Variants in RIN2 observed in about 807,000 individuals in gnomAD.
RIN2 encodes Ras and Rab interactor 2, also known as RAB5 interacting protein 2.
Under a neutral mutation model 78.0 loss-of-function variants are expected in RIN2, and 36 were observed. The observed-to-expected ratio is 0.46, with a 90% CI of 0.35 to 0.61. The LOEUF (loss-of-function observed/expected upper bound fraction) is 0.61, where lower values mean the gene tolerates loss of function less well. Ranked by LOEUF, RIN2 falls within the 20% of genes least tolerant of loss-of-function variation. The probability of loss-of-function intolerance (pLI) is 0.00; values close to 1 mark genes in which losing one functional copy is unlikely to be tolerated. For missense variants in RIN2, 1,087 were observed against 1,159.7 expected, an observed-to-expected ratio of 0.94 and a Z score of 0.91; for synonymous variants, 466 against 466.8, an observed-to-expected ratio of 1.00 and a Z score of 0.02.
chr20:19,790,985 T>C (rs996230855), intron 1 of RIN2, among the ~76,000 whole-genome samples: 1 of 152,232 alleles, frequency 6.6e-6, no homozygotes, highest in Non-Finnish European at 1.5e-5. Flanking sequence ...ACAGCTGCTT[T>C]AAACCAAGTG....
chr20:19,842,347 C>G (rs1013275828), intron 2 of RIN2, among the ~76,000 whole-genome samples: 11 of 144,346 alleles, frequency 7.6e-5, no homozygotes, highest in Non-Finnish European at 9.0e-5. Flanking sequence ...CTCAGCACCC[C>G]CTAGTAGCTG....
chr20:19,919,530 G>A (rs1289711206), intron 3 of RIN2, among the ~76,000 whole-genome samples: 2 of 152,130 alleles, frequency 1.3e-5, no homozygotes, highest in African/African-American at 4.8e-5. Context: ...TTTGTGGCCA[G>A]GTGCAGTGGC....
intron 3 of RIN2, among the ~76,000 whole-genome samples, chr20:19,906,229 T>G (rs1230341021): frequency 6.6e-6 from 1 of 152,066 alleles, no homozygotes; most frequent in Non-Finnish European, 1.5e-5. Context: ...GTGGGAGGAT[T>G]GCACGAGTTT....
chr20:19,920,109 A>G (rs1210938091), intron 3 of RIN2, among the ~76,000 whole-genome samples: 2 of 152,006 alleles, frequency 1.3e-5, no homozygotes, highest in Non-Finnish European at 2.9e-5. Context: ...CCTGGCTAAC[A>G]CGGTGAAACC....
Position 19,975,033 on chromosome 20 carries a change from A to C in RIN2, c.1008A>C (p.Glu336Asp), listed in dbSNP as rs571835259. The C allele has an allele frequency of 3.1e-6, 5 of 1,613,510 alleles. No homozygotes were observed. In the South Asian group the frequency reaches 4.4e-5, roughly 14 times the overall value. Residue 336 changes from glutamate to aspartate, a missense_variant, in exon 9 of 13, where the codon GAA becomes GAC. Coordinates refer to ENST00000255006, the MANE Select transcript of RIN2 (RefSeq NM_018993.4). This position sits in a 1 kb window ranked among gnomAD's most constrained non-coding sequence, Gnocchi z 4.9. ...CTGAAACCCAGACGAGCATGCCAGA[A>C]ACAGTCAACCATAACAAACATGGGA... ...ARTETQTSMP[E>D]TVNHNKHGNV... is the part of the protein sequence containing the mutation.
At chr20:19,827,157 G>A (rs1376149464) in intron 2 of RIN2, among the ~76,000 whole-genome samples, 1 of 151,918 alleles carries the variant, frequency 6.6e-6, no homozygotes, top group Non-Finnish European at 1.5e-5. Context: ...TGTATTTTTA[G>A]TAGAGATGGG....
At chr20:19,915,316 G>A (rs1032370929) in intron 3 of RIN2, among the ~76,000 whole-genome samples, 7 of 152,100 alleles carry the variant, frequency 4.6e-5, no homozygotes, top group East Asian at 1.9e-4. Context: ...ACATAAGAGC[G>A]AGGCAGCTGG....
chr20:19,924,872 TG>T (rs2040162115), intron 3 of RIN2, among the ~76,000 whole-genome samples: 1 of 147,696 alleles, frequency 6.8e-6, no homozygotes, highest in Admixed American at 6.8e-5. Flanking sequence ...TCCAAGTAGC[TG>T]GGATTACAGG....
At chr20:19,913,244 T>A (rs1005295727) in intron 3 of RIN2, among the ~76,000 whole-genome samples, 1 of 152,212 alleles carries the variant, frequency 6.6e-6, no homozygotes, top group Non-Finnish European at 1.5e-5. Context: ...GTTTTTTTTT[T>A]AATTGTGATA....
At chr20:19,954,194 A>G (rs1217786406) in intron 4 of RIN2, among the ~76,000 whole-genome samples, 1 of 152,246 alleles carries the variant, frequency 6.6e-6, no homozygotes, top group African/African-American at 2.4e-5. Context: ...AGAGTTGTCC[A>G]TGTGGAAATA....
At chr20:19,859,124 G>A (rs1349611586) in intron 2 of RIN2, among the ~76,000 whole-genome samples, 1 of 152,226 alleles carries the variant, frequency 6.6e-6, no homozygotes, top group African/African-American at 2.4e-5. Flanking sequence ...TACTTAGAAT[G>A]TTGGGACTAC....
rs577115421 is a variant in RIN2 at position 19,793,349 on chromosome 20, G to A, written c.-162-6273G>A. Among the ~76,000 whole-genome samples, 56 of 152,234 alleles carry A rather than the reference G, an allele frequency of 3.7e-4. No individual in the cohort carries two copies. The Middle Eastern group carries it at 0.014, about 37-fold the overall frequency. ...CAGACTTGCCACATTTCAGGTGCTC[G>A]ATTGCCACACAGGGCCCGTGGCTGC... On this transcript the variant is annotated intron_variant, in intron 1 of 12. Coordinates refer to ENST00000255006, the MANE Select transcript of RIN2 (RefSeq NM_018993.4).
chr20:19,920,132 A>G (rs1853501857), intron 3 of RIN2, among the ~76,000 whole-genome samples: 1 of 151,978 alleles, frequency 6.6e-6, no homozygotes, highest in Non-Finnish European at 1.5e-5. Flanking sequence ...GTCTCTACTA[A>G]AAATACAAAA....
chr20:19,795,443 T>C (rs2035025904), intron 1 of RIN2, among the ~76,000 whole-genome samples: 1 of 152,224 alleles, frequency 6.6e-6, no homozygotes, highest in Non-Finnish European at 1.5e-5. Context: ...TGAGTTTTTT[T>C]TCCCCTCAGG....
intron 2 of RIN2, among the ~76,000 whole-genome samples, chr20:19,856,747 A>G (rs1235175854): frequency 6.6e-6 from 1 of 152,128 alleles, no homozygotes; most frequent in Non-Finnish European, 1.5e-5. Context: ...CTCAAATGCT[A>G]TTAAATTTTG....
chr20:19,913,551 A>G (rs758797674), intron 3 of RIN2, among the ~76,000 whole-genome samples: 1 of 152,230 alleles, frequency 6.6e-6, no homozygotes, highest in Non-Finnish European at 1.5e-5. Flanking sequence ...TTCATCTTGC[A>G]GAATTGAAAC....
intron 2 of RIN2, among the ~76,000 whole-genome samples, chr20:19,804,620 T>A (rs940716113): frequency 1.3e-5 from 2 of 152,222 alleles, no homozygotes; most frequent in Admixed American, 1.3e-4. Context: ...TTGAGGATTT[T>A]TGTATCAATA....
intron 3 of RIN2, among the ~76,000 whole-genome samples, chr20:19,928,332 C>T (rs1300675852): frequency 2.0e-5 from 3 of 152,274 alleles, no homozygotes; most frequent in Non-Finnish European, 2.9e-5. Context: ...CCCAGCCAAC[C>T]GGGGCCCGAG....
intron 11 of RIN2, among the ~76,000 whole-genome samples, chr20:19,993,299 G>T (rs2042853564): frequency 6.6e-6 from 1 of 151,470 alleles, no homozygotes; most frequent in Admixed American, 6.6e-5. Context: ...GTGAGTTTCA[G>T]TCTGGGCTTG....
Sources: allele counts gnomAD v4.1 joint callset (sites outside exome capture counted in the v4.1 genomes callset), GRCh38; gene constraint gnomAD v4.1.1; non-coding constraint Gnocchi (gnomAD v3.1); transcripts MANE v1.5; gene names NCBI Gene and HGNC (gene_info 2026-07-23, HGNC 2026-07-21).